Variants in FGF12 observed in about 807,000 individuals in gnomAD.
The protein encoded by FGF12 is fibroblast growth factor 12.
A neutral mutation model predicts 23.6 loss-of-function variants in FGF12; 14 were observed. That is an observed-to-expected ratio of 0.59 (90% CI 0.39 to 0.93). The LOEUF (loss-of-function observed/expected upper bound fraction) is 0.93. Ranked by LOEUF, FGF12 falls within the 40% of genes least tolerant of loss-of-function variation. The pLI is 0.00. For missense variants in FGF12, 175 were observed against 217.8 expected (o/e 0.80, Z 1.24); for synonymous variants, 62 against 77.3 (o/e 0.80, Z 1.04).
chr3:192,461,600 T>C (rs922181349), intron 2 of FGF12, among the ~76,000 whole-genome samples: 4 of 152,234 alleles, frequency 2.6e-5, no homozygotes, highest in African/African-American at 7.2e-5. Context: ...ACAAGCTATA[T>C]AACTGAGATT....
chr3:192,311,927 G>GTCTGTCTATCTATCTA (rs1182075683), intron 4 of FGF12, among the ~76,000 whole-genome samples: 7 of 145,364 alleles, frequency 4.8e-5, no homozygotes, highest in Admixed American at 1.4e-4. Context: ...TTGACTGTCT[G>GTCTGTCTATCTATCTA]TCTATCTATC....
At chr3:192,224,855 G>C (rs1056333519) in intron 4 of FGF12, among the ~76,000 whole-genome samples, 1 of 152,054 alleles carries the variant, frequency 6.6e-6, no homozygotes, top group Non-Finnish European at 1.5e-5. Flanking sequence ...CTCTTCTTAC[G>C]CTAGTAGGTT....
Position 192,704,903 on chromosome 3 carries a change from T to G in FGF12, c.13+22278A>C, listed in dbSNP as rs139446985. On this transcript the variant is annotated intron_variant, in intron 2 of 5. Coordinates refer to ENST00000445105, the MANE Select transcript of FGF12 (RefSeq NM_004113.6). The stretch of plus-strand genomic sequence containing the variant: ...AGATGGCTTCTTTCCTTAAACCTCA[T>G]GAACCACCCTCTGCTAGTTTCTAAC... Among the ~76,000 whole-genome samples, 41 of 152,376 alleles carry G rather than the reference T, an allele frequency of 2.7e-4. No homozygotes were observed. In the East Asian group the frequency reaches 7.5e-3, roughly 28 times the overall value.
intron 4 of FGF12, among the ~76,000 whole-genome samples, chr3:192,257,833 T>C (rs1245517340): frequency 6.6e-6 from 1 of 152,036 alleles, no homozygotes; most frequent in Non-Finnish European, 1.5e-5. Flanking sequence ...AAGATTAGGG[T>C]GAGCAAATTC....
intron 2 of FGF12, among the ~76,000 whole-genome samples, chr3:192,459,404 G>T (rs1722784401): frequency 6.6e-6 from 1 of 152,174 alleles, no homozygotes; most frequent in South Asian, 2.1e-4. Flanking sequence ...GTATTTAGGA[G>T]ACATAAGTTG....
At chr3:192,525,884 C>G (rs767165942) in intron 2 of FGF12, among the ~76,000 whole-genome samples, 2 of 152,202 alleles carry the variant, frequency 1.3e-5, no homozygotes, top group Non-Finnish European at 2.9e-5. Flanking sequence ...AAGTGATGCT[C>G]CTGCCTCAGC....
At chr3:192,318,067 G>T (rs1469063596) in intron 4 of FGF12, among the ~76,000 whole-genome samples, 1 of 152,162 alleles carries the variant, frequency 6.6e-6, no homozygotes, top group Admixed American at 6.5e-5. Context: ...GGCTGCAATA[G>T]CCAAAAACTT....
At chr3:192,355,461 G>A (rs1230183505) in intron 3 of FGF12, among the ~76,000 whole-genome samples, 4 of 152,194 alleles carry the variant, frequency 2.6e-5, no homozygotes, top group African/African-American at 4.8e-5. Flanking sequence ...AATGGAGGGT[G>A]TGAATGAAAA....
intron 3 of FGF12, among the ~76,000 whole-genome samples, chr3:192,342,078 G>A (rs1265283468): frequency 3.3e-5 from 5 of 152,050 alleles, no homozygotes; most frequent in Admixed American, 1.3e-4. Flanking sequence ...GAATCTTTCC[G>A]AGGTTTCCAC....
intron 2 of FGF12, among the ~76,000 whole-genome samples, chr3:192,445,769 A>G (rs1560113538): frequency 6.6e-6 from 1 of 152,156 alleles, no homozygotes; most frequent in Non-Finnish European, 1.5e-5. Context: ...TCAAATAATT[A>G]GCCAAGCAAA....
At chr3:192,614,626 T>C (rs1577079997) in intron 2 of FGF12, among the ~76,000 whole-genome samples, 1 of 152,172 alleles carries the variant, frequency 6.6e-6, no homozygotes, top group Non-Finnish European at 1.5e-5. Flanking sequence ...TTTTTAAAAC[T>C]CTAATCCGTT....
chr3:192,171,959 T>C (rs1466025221), intron 4 of FGF12, among the ~76,000 whole-genome samples: 2 of 151,874 alleles, frequency 1.3e-5, no homozygotes, highest in Non-Finnish European at 2.9e-5. Flanking sequence ...TTGCATAGGC[T>C]GGCCTCAAAC....
chr3:192,556,384 C>T (rs1268779862), intron 2 of FGF12, among the ~76,000 whole-genome samples: 1 of 151,906 alleles, frequency 6.6e-6, no homozygotes, highest in African/African-American at 2.4e-5. Flanking sequence ...TTATTTAAGG[C>T]AAAATAGACT....
chr3:192,559,562 CTGAT>C (rs1711926517), intron 2 of FGF12, among the ~76,000 whole-genome samples: 1 of 151,804 alleles, frequency 6.6e-6, no homozygotes, highest in African/African-American at 2.4e-5. Flanking sequence ...ATGTAGAACA[CTGAT>C]TAATAATGAT....
At chr3:192,678,794 C>T (rs993594559) in intron 2 of FGF12, among the ~76,000 whole-genome samples, 1 of 152,110 alleles carries the variant, frequency 6.6e-6, no homozygotes, top group African/African-American at 2.4e-5. Context: ...CAGCCCAGGC[C>T]CAGCTTATCT....
At chr3:192,582,931 T>C (rs930234118) in intron 2 of FGF12, among the ~76,000 whole-genome samples, 1 of 152,140 alleles carries the variant, frequency 6.6e-6, no homozygotes, top group African/African-American at 2.4e-5. Context: ...TTTTCATTCC[T>C]GGCTCTATAA....
intron 2 of FGF12, among the ~76,000 whole-genome samples, chr3:192,689,188 G>A (rs1717863848): frequency 6.6e-6 from 1 of 152,062 alleles, no homozygotes; most frequent in South Asian, 2.1e-4. Flanking sequence ...GGTGACTACA[G>A]GTAACAACAA....
At position 192,276,923 on chromosome 3, in the gene FGF12, T is replaced by C. The variant is rs114341320; in HGVS notation, c.228+58438A>G. ...GGTCTTACTGAGTTTCCCTACTCAGTCTATTAGCATTAAATCATATTCGTT... is the reference window on the plus strand; with the variant it reads ...GGTCTTACTGAGTTTCCCTACTCAGCCTATTAGCATTAAATCATATTCGTT... On this transcript the variant is annotated intron_variant, in intron 4 of 5. Coordinates refer to ENST00000445105, the MANE Select transcript of FGF12 (RefSeq NM_004113.6). Among the ~76,000 whole-genome samples the C allele has an allele frequency of 3.5e-3, 527 of 152,286 alleles. 1 individual carries two copies. Among genetic ancestry groups the C allele is most frequent in the African/African-American group, 0.013 (521 of 41,544 alleles).
intron 4 of FGF12, among the ~76,000 whole-genome samples, chr3:192,263,646 T>C (rs1712898524): frequency 6.6e-6 from 1 of 151,924 alleles, no homozygotes; most frequent in South Asian, 2.1e-4. Flanking sequence ...CATGAAGTTC[T>C]CAGGTGCAGC....
Sources: gnomAD v4.1 joint callset for allele counts (sites outside exome capture counted in the v4.1 genomes callset) on GRCh38, gnomAD v4.1.1 for gene constraint, MANE v1.5 for transcripts, NCBI Gene and HGNC (gene_info 2026-07-23, HGNC 2026-07-21) for gene names.